HMGXB4: variants seen among roughly 807,000 people sequenced by gnomAD.
HMGXB4 encodes HMG-box containing 4.
HMGXB4 carries 27 observed loss-of-function variants against 63.9 expected under a neutral mutation model. The ratio of observed to expected loss-of-function variants is 0.42; its 90% CI spans 0.31 to 0.58. The LOEUF (loss-of-function observed/expected upper bound fraction) is 0.58. Ranked by LOEUF, HMGXB4 falls within the 20% of genes least tolerant of loss-of-function variation. The pLI is 0.13. For missense variants in HMGXB4, 624 were observed against 700.7 expected (o/e 0.89, Z 1.24); for synonymous variants, 264 against 265.3 (o/e 0.99, Z 0.05).
intron 5 of HMGXB4, among the ~76,000 whole-genome samples, chr22:35,275,889 A>G (rs1923888877): frequency 6.6e-6 from 1 of 152,230 alleles, no homozygotes; most frequent in Admixed American, 6.5e-5. Flanking sequence ...ATAATAAAGT[A>G]TCCAAGTTTT....
intron 1 of HMGXB4, chr22:35,261,772 C>G (rs190593343): frequency 6.6e-6 from 1 of 152,026 alleles, no homozygotes; most frequent in Non-Finnish European, 1.5e-5. Flanking sequence ...TTCATGTCGC[C>G]CCCCCCAAAA....
Position 35,269,849 on chromosome 22 carries a change from A to G in HMGXB4, c.1215+4246A>G, listed in dbSNP as rs553558451. On this transcript the variant is annotated intron_variant, in intron 5 of 10. Transcript: ENST00000216106. ...TAGCAAGATCCAGGTGTGGTGACGC[A>G]TGACTGGAGTCCCAGCTACTCCTGA... Among the ~76,000 whole-genome samples, 177 of 152,272 alleles carry G rather than the reference A, an allele frequency of 1.2e-3. 1 individual carries two copies. The highest frequency in any genetic ancestry group is 4.0e-3 in the African/African-American group (168 of 41,554).
At position 35,288,849 on chromosome 22, in the gene HMGXB4, A is replaced by T. The variant is rs191381008; in HGVS notation, c.1638+442A>T. Among the ~76,000 whole-genome samples the T allele has an allele frequency of 3.2e-3, 491 of 152,296 alleles. 3 individuals are homozygous for T. Among genetic ancestry groups the T allele is most frequent in the Non-Finnish European group, 5.2e-3 (357 of 68,028 alleles). On this transcript the variant is annotated intron_variant, in intron 9 of 10. Coordinates refer to ENST00000216106, the MANE Select transcript of HMGXB4 (RefSeq NM_001003681.3). ...ACATATATTCAAAAAATTTAAAAGA[A>T]ATAAAAATGGGGCCGGGCGTGGTGG... is the stretch of plus-strand genomic sequence containing the variant.
chr22:35,268,931 G>T (rs906311101), intron 5 of HMGXB4, among the ~76,000 whole-genome samples: 3 of 152,132 alleles, frequency 2.0e-5, no homozygotes, highest in Non-Finnish European at 4.4e-5. Flanking sequence ...CCTCTTCTAA[G>T]ACATTCTGTA....
chr22:35,241,826 G>A, the HMGXB4 span, among the ~76,000 whole-genome samples: 2 of 152,146 alleles, frequency 1.3e-5, no homozygotes, highest in Non-Finnish European at 2.9e-5. Flanking sequence ...AGGGTCTGTG[G>A]GTCCTCTCAG....
At chr22:35,245,986 C>T in the HMGXB4 span, among the ~76,000 whole-genome samples, 1 of 152,146 alleles carries the variant, frequency 6.6e-6, no homozygotes, top group Non-Finnish European at 1.5e-5. Flanking sequence ...ACCACCCCAA[C>T]CAGAACAGGG....
At chr22:35,260,420 C>A (rs1220799007) in intron 1 of HMGXB4, among the ~76,000 whole-genome samples, 2 of 152,160 alleles carry the variant, frequency 1.3e-5, no homozygotes, top group Non-Finnish European at 2.9e-5. Context: ...TTCCCTTCTA[C>A]CTGCACCCCT....
At chr22:35,266,146 G>A (rs1923235224) in intron 5 of HMGXB4, among the ~76,000 whole-genome samples, 1 of 152,098 alleles carries the variant, frequency 6.6e-6, no homozygotes, top group Non-Finnish European at 1.5e-5. Context: ...TAGTTACACT[G>A]TGGCTTTTTC....
chr22:35,265,138 A>G lies in HMGXB4; in HGVS notation c.750A>G (p.Lys250=), dbSNP rs1923126528. 1 of 1,614,152 alleles carries G rather than the reference A, an allele frequency of 6.2e-7. No individual in the cohort carries two copies. Among genetic ancestry groups the G allele is most frequent in the East Asian group, 2.2e-5 (1 of 44,878 alleles). ...ELQSFLKTAR[K]KHKSSSDAHS... is the part of the protein sequence containing the mutation. ...AGAGCTTTCTGAAAACAGCCCGGAA[A>G]AAGCACAAGTCATCCTCAGACGCAC... Residue 250 remains lysine, a synonymous_variant, in exon 5 of 11, where the codon AAA becomes AAG. Transcript: ENST00000216106.
At chr22:35,287,706 T>C (rs1924679443) in intron 8 of HMGXB4, among the ~76,000 whole-genome samples, 1 of 151,770 alleles carries the variant, frequency 6.6e-6, no homozygotes, top group East Asian at 1.9e-4. Flanking sequence ...CCTAGCACTT[T>C]GGGAGGCCAA....
the HMGXB4 span, among the ~76,000 whole-genome samples, chr22:35,242,985 T>C: frequency 6.6e-6 from 1 of 152,248 alleles, no homozygotes; most frequent in Non-Finnish European, 1.5e-5. Flanking sequence ...GTGAACAAAA[T>C]TGTCTCTGTA....
At chr22:35,292,533 C>A (rs952228026) in intron 9 of HMGXB4, among the ~76,000 whole-genome samples, 1 of 152,188 alleles carries the variant, frequency 6.6e-6, no homozygotes, top group Admixed American at 6.5e-5. Flanking sequence ...TGAGAGTGAA[C>A]AACTCAACCT....
At chr22:35,259,518 A>G (rs1014439217) in intron 1 of HMGXB4, among the ~76,000 whole-genome samples, 1 of 151,826 alleles carries the variant, frequency 6.6e-6, no homozygotes, top group Non-Finnish European at 1.5e-5. Context: ...ATTGTATTCA[A>G]GACCTGGAAG....
At chr22:35,288,143 A>G in intron 8 of HMGXB4, 95 bp from the exon 9 acceptor site, 3 of 1,080,006 alleles carry the variant, frequency 2.8e-6, no homozygotes, top group Admixed American at 2.9e-5. Context: ...AATGCCTGGT[A>G]TAATTCATAA....
intron 5 of HMGXB4, among the ~76,000 whole-genome samples, chr22:35,280,574 G>T (rs1461700560): frequency 6.6e-6 from 1 of 152,186 alleles, no homozygotes; most frequent in East Asian, 1.9e-4. Context: ...TGGTCTTCCT[G>T]CCTTTGCTCT....
chr22:35,258,180 T>C (rs1202782067), intron 1 of HMGXB4: 1 of 152,252 alleles, frequency 6.6e-6, no homozygotes, highest in East Asian at 1.9e-4. Context: ...GCTGTTTGTG[T>C]AAATCACCTG....
At chr22:35,260,974 C>A (rs1922805998) in intron 1 of HMGXB4, among the ~76,000 whole-genome samples, 1 of 152,114 alleles carries the variant, frequency 6.6e-6, no homozygotes, top group African/African-American at 2.4e-5. Flanking sequence ...TTCAGTATTT[C>A]TAAATACCCT....
At chr22:35,252,653 T>C (rs1922237395), upstream of HMGXB4, among the ~76,000 whole-genome samples, 1 of 152,232 alleles carries the variant, frequency 6.6e-6, no homozygotes, top group Non-Finnish European at 1.5e-5. Flanking sequence ...TAGCTGCATG[T>C]TGCTAGCTAG....
upstream of HMGXB4, among the ~76,000 whole-genome samples, chr22:35,253,826 TTTTTG>T (rs147836121): frequency 9.9e-4 from 150 of 152,122 alleles, no homozygotes; most frequent in African/African-American, 3.5e-3. Context: ...CTCTGAGTAG[TTTTTG>T]TTTTGTTTTG....
Sources: gnomAD v4.1 joint callset for allele counts (sites outside exome capture counted in the v4.1 genomes callset) on GRCh38, gnomAD v4.1.1 for gene constraint, MANE v1.5 for transcripts, NCBI Gene and HGNC (gene_info 2026-07-23, HGNC 2026-07-21) for gene names.